The following MINDY4 variants were observed in gnomAD, a reference collection of about 807,000 sequenced individuals.
MINDY4 encodes the protein MINDY lysine 48 deubiquitinase 4.
A neutral mutation model predicts 87.0 loss-of-function variants in MINDY4; 68 were observed. The observed-to-expected ratio is 0.78, with a 90% CI of 0.64 to 0.96. The LOEUF (loss-of-function observed/expected upper bound fraction) is 0.96, where lower values mean the gene tolerates loss of function less well. MINDY4 is among the 40% of genes least tolerant of loss of function. The pLI, the probability that MINDY4 is intolerant of heterozygous loss-of-function variation, is 0.00. For synonymous variants in MINDY4, 379 were observed against 363.2 expected (o/e 1.04, Z -0.50); for missense variants, 919 against 928.2 (o/e 0.99, Z 0.13).
intron 5 of MINDY4, chr7:30,803,551 T>A (rs535851708): frequency 6.6e-6 from 1 of 152,372 alleles, no homozygotes; most frequent in South Asian, 2.1e-4. Flanking sequence ...GAAGCAGGGC[T>A]AAGCTGAGCC....
At position 30,871,282 on chromosome 7, in the gene MINDY4, G is replaced by A. The variant is rs562437786; in HGVS notation, c.1746-961G>A. The stretch of plus-strand genomic sequence containing the variant: ...AGGAATTCCTACTTCATTCGGGTCT[G>A]GGGGTTGCAATTGCCACCTGCTGAG... On this transcript the variant is annotated intron_variant, in intron 13 of 17. Transcript: ENST00000265299. 1.1e-4 allele frequency among the ~76,000 whole-genome samples: 17 copies of A among 152,350 alleles called. No homozygotes were observed. In the East Asian group the frequency reaches 3.3e-3, roughly 29 times the overall value.
At chr7:30,888,738 T>C (rs1378687755) in intron 17 of MINDY4, among the ~76,000 whole-genome samples, 1 of 152,272 alleles carries the variant, frequency 6.6e-6, no homozygotes, top group Non-Finnish European at 1.5e-5. Flanking sequence ...TTTGATTTTC[T>C]ATTGTAATTG....
chr7:30,802,362 C>T (rs539328149), intron 5 of MINDY4, among the ~76,000 whole-genome samples: 2 of 152,134 alleles, frequency 1.3e-5, no homozygotes, highest in East Asian at 1.9e-4. Context: ...GCACCTTAGG[C>T]TTCTTGATTA....
intron 13 of MINDY4, among the ~76,000 whole-genome samples, chr7:30,859,741 A>G (rs544201595): frequency 3.9e-5 from 6 of 152,290 alleles, no homozygotes; most frequent in African/African-American, 1.4e-4. Context: ...GCAGCCCTGC[A>G]GTCGCGTGGA....
chr7:30,813,257 T>C (rs1197935045), intron 5 of MINDY4, among the ~76,000 whole-genome samples: 1 of 152,232 alleles, frequency 6.6e-6, no homozygotes, highest in East Asian at 1.9e-4. Context: ...GCTTCGATTT[T>C]TTCTTTTCTA....
intron 5 of MINDY4, chr7:30,803,300 C>T (rs1787712490): frequency 6.6e-6 from 1 of 152,162 alleles, no homozygotes; most frequent in African/African-American, 2.4e-5. Context: ...GAGTTTTGCT[C>T]AGAATTATTC....
At chr7:30,882,542 A>G (rs1318684696) in intron 16 of MINDY4, among the ~76,000 whole-genome samples, 181 bp downstream of exon 16, 1 of 152,232 alleles carries the variant, frequency 6.6e-6, no homozygotes, top group Non-Finnish European at 1.5e-5. Flanking sequence ...GGAGGCGGCC[A>G]GAGCTGGGCC....
chr7:30,844,129 G>A (rs1016191139), intron 9 of MINDY4, among the ~76,000 whole-genome samples: 8 of 152,254 alleles, frequency 5.3e-5, no homozygotes, highest in African/African-American at 1.7e-4. Flanking sequence ...CACCCCTACC[G>A]GCTGCTGCCC....
At chr7:30,778,695 A>C (rs11769431) in intron 2 of MINDY4, 144 bp downstream of exon 2, 6 of 937,312 alleles carry the variant, frequency 6.4e-6, no homozygotes, top group South Asian at 6.2e-5. Context: ...GGACCCCCCA[A>C]ATGTGGACAG....
chr7:30,801,497 T>A (rs1280372304), intron 5 of MINDY4, among the ~76,000 whole-genome samples: 1 of 152,112 alleles, frequency 6.6e-6, no homozygotes, highest in African/African-American at 2.4e-5. Flanking sequence ...TGATGCCCGA[T>A]GCTCAGCCAC....
chr7:30,840,807 G>A lies in MINDY4; in HGVS notation c.1404G>A (p.Gln468=). ...CAGCTGTCCAAGGCTGTGTCCTACA[G>A]AAACTCCTGTTTGAAGGAGATAGCA... is the stretch of plus-strand genomic sequence containing the variant. The part of the protein sequence containing the change: ...VLAAVQGCVL[Q]KLLFEGDSKA... Residue 468 remains glutamine, a synonymous_variant, in exon 9 of 18, where the codon CAG becomes CAA. Coordinates refer to ENST00000265299, the MANE Select transcript of MINDY4 (RefSeq NM_032222.3). 1 of 1,614,196 alleles carries A rather than the reference G, an allele frequency of 6.2e-7. No homozygotes were observed.
intron 5 of MINDY4, among the ~76,000 whole-genome samples, chr7:30,816,010 G>C (rs986080157): frequency 2.6e-5 from 4 of 152,014 alleles, no homozygotes; most frequent in Non-Finnish European, 4.4e-5. Context: ...ACTTACCAGG[G>C]GCCTTGGGAA....
intron 12 of MINDY4, among the ~76,000 whole-genome samples, chr7:30,855,234 A>C (rs1203211397): frequency 2.0e-5 from 3 of 152,274 alleles, no homozygotes; most frequent in South Asian, 2.1e-4. Flanking sequence ...GTTATCAGGT[A>C]GCTTCCAGCT....
chr7:30,825,518 C>T (rs7797390), intron 5 of MINDY4, among the ~76,000 whole-genome samples: 30,648 of 152,108 alleles, frequency 0.2, 4,234 homozygotes, highest in African/African-American at 0.38. Context: ...CCTTGTCCTG[C>T]GGTCTGCAGG....
intron 13 of MINDY4, among the ~76,000 whole-genome samples, chr7:30,867,108 G>T (rs938666149): frequency 6.6e-6 from 1 of 152,202 alleles, no homozygotes; most frequent in East Asian, 1.9e-4. Context: ...TGGAGGCTCA[G>T]AAATGGAAAG....
chr7:30,836,605 C>T (rs1006568642), intron 6 of MINDY4, 53 bp from the exon 7 acceptor site: 121 of 1,414,716 alleles, frequency 8.6e-5, no homozygotes, highest in Admixed American at 1.7e-5. Flanking sequence ...ACTTCATGTT[C>T]TGTTCTCCGT....
intron 6 of MINDY4, among the ~76,000 whole-genome samples, chr7:30,831,945 C>T (rs1788716396): frequency 1.3e-5 from 2 of 152,208 alleles, no homozygotes; most frequent in South Asian, 4.1e-4. Flanking sequence ...AAACCACTGA[C>T]ATTTACAGAT....
intron 7 of MINDY4, among the ~76,000 whole-genome samples, 154 bp downstream of exon 7, chr7:30,836,918 C>T (rs761172304): frequency 6.6e-6 from 1 of 152,094 alleles, no homozygotes; most frequent in Admixed American, 6.5e-5. Flanking sequence ...AAATGTGAAC[C>T]GAGAGTCAGG....
intron 5 of MINDY4, among the ~76,000 whole-genome samples, chr7:30,810,998 A>G (rs11772180): frequency 0.26 from 39,363 of 151,876 alleles, 5,623 homozygotes; most frequent in Non-Finnish European, 0.32. Context: ...TCAAAACTAA[A>G]AGTATTTTAG....
Sources: allele counts gnomAD v4.1 joint callset (sites outside exome capture counted in the v4.1 genomes callset), GRCh38; gene constraint gnomAD v4.1.1; transcripts MANE v1.5; gene names NCBI Gene and HGNC (gene_info 2026-07-23, HGNC 2026-07-21).